The following CIP2A variants were observed in gnomAD, a reference collection of about 807,000 sequenced individuals.
CIP2A encodes the protein cellular inhibitor of PP2A.
CIP2A carries 103 observed loss-of-function variants against 110.9 expected under a neutral mutation model. The observed-to-expected ratio is 0.93, with a 90% confidence interval of 0.79 to 1.09. The LOEUF (loss-of-function observed/expected upper bound fraction) is 1.09. Among genes scored for constraint, CIP2A ranks in the 50% least tolerant of loss-of-function variants. The probability of loss-of-function intolerance (pLI) is 0.00; values close to 1 mark genes in which losing one functional copy is unlikely to be tolerated. For missense variants in CIP2A, 1,088 were observed against 1,038.4 expected, an observed-to-expected ratio of 1.05 and a Z score of -0.66; for synonymous variants, 381 against 361.6, an observed-to-expected ratio of 1.05 and a Z score of -0.61.
Position 108,566,504 on chromosome 3 carries a change from C to T in CIP2A, c.1408G>A (p.Glu470Lys). 1 of 1,606,458 alleles carries T rather than the reference C, an allele frequency of 6.2e-7. No individual in the cohort carries two copies. Among genetic ancestry groups the T allele is most frequent in the Non-Finnish European group, 8.5e-7 (1 of 1,176,470 alleles). Residue 470 changes from glutamate (E) to lysine (K), a missense_variant, in exon 11 of 21, where the codon GAA becomes AAA. Transcript: ENST00000295746. The part of the protein sequence containing the change: ...LGFGTKVADS[E>K]LCKLAADVIL... ...TAGAGTTTATATACTCACCATAATTCAGAATCTGCAACCTTTGTTCCAAAT... is the reference window on the plus strand; with the variant it reads ...TAGAGTTTATATACTCACCATAATTTAGAATCTGCAACCTTTGTTCCAAAT...
Position 108,570,994 on chromosome 3 carries a change from CTTTTT to C in CIP2A, c.895-1392_895-1388del, listed in dbSNP as rs558752229. Among the ~76,000 whole-genome samples the C allele has an allele frequency of 1.2e-4, 18 of 152,066 alleles. No individual in the cohort carries two copies. The East Asian group carries it at 3.5e-3, about 29-fold the overall frequency. ...AAAATGTAGGCTTTTTCTTTTTAAA[CTTTTT>C]TTGTTAAAAACAAAGACACAAACAC... On this transcript the variant is annotated intron_variant, in intron 8 of 20. Coordinates refer to ENST00000295746, the MANE Select transcript of CIP2A (RefSeq NM_020890.3).
intron 4 of CIP2A, 119 bp from the exon 5 acceptor site, chr3:108,581,630 G>T: frequency 1.7e-6 from 1 of 590,858 alleles, no homozygotes; most frequent in Non-Finnish European, 2.9e-6. Flanking sequence ...CCTTTTACAC[G>T]CAAAAAAAAA....
chr3:108,589,242 C>A (rs755984007), intron 1 of CIP2A, 32 bp downstream of exon 1: 3 of 1,507,406 alleles, frequency 2.0e-6, no homozygotes, highest in Admixed American at 1.7e-5. Context: ...CTAGGGGAAG[C>A]CCCATCTGTC....
chr3:108,582,219 A>C lies in CIP2A; in HGVS notation c.358-17T>G. 9.5e-7 allele frequency: 1 copy of C among 1,048,080 alleles called. No individual in the cohort carries two copies. The highest frequency in any genetic ancestry group is 1.4e-6 in the Non-Finnish European group (1 of 701,958). The allele number at this position is 1,048,080 out of a possible 1,614,324, so 64.9% of individuals were successfully genotyped here. A position where few individuals can be genotyped will look rare whatever the true frequency, so the allele number is the denominator to read the frequency against. On this transcript the variant is annotated splice_polypyrimidine_tract_variant and intron_variant, in intron 3 of 20. Transcript: ENST00000295746. ...TTGAATGCACTGAGAATAAGAAAAT[A>C]GTTATAAATATAAAGATATAAAAAC...
chr3:108,565,498 C>A, intron 11 of CIP2A, 44 bp from the exon 12 acceptor site: 1 of 1,069,942 alleles, frequency 9.3e-7, no homozygotes, highest in Non-Finnish European at 1.4e-6. Context: ...TGAAAAATTT[C>A]TTAGAGCTTG....
intron 1 of CIP2A, 152 bp downstream of exon 1, chr3:108,589,122 C>CA: frequency 1.8e-6 from 1 of 549,808 alleles, no homozygotes; most frequent in Non-Finnish European, 3.2e-6. Context: ...GGAACCCCGA[C>CA]ACTCACTAGC....
intron 2 of CIP2A, chr3:108,584,838 C>A (rs535729627): frequency 8.2e-6 from 3 of 367,776 alleles, no homozygotes; most frequent in African/African-American, 2.1e-5. Context: ...AAAGCAACAT[C>A]AGTACTTTTA....
intron 1 of CIP2A, among the ~76,000 whole-genome samples, chr3:108,586,732 A>C (rs1307179943): frequency 6.6e-6 from 1 of 152,162 alleles, no homozygotes; most frequent in Admixed American, 6.5e-5. Flanking sequence ...ACTGGAATTC[A>C]TATCTAGGCA....
intron 13 of CIP2A, 32 bp downstream of exon 13, chr3:108,563,094 C>T: frequency 1.4e-6 from 2 of 1,393,220 alleles, no homozygotes. Flanking sequence ...TCCAACACCA[C>T]AAGAGATACA....
chr3:108,553,121 GTTTTTTTTTTTTTTTTTT>G (rs768832281), intron 19 of CIP2A, among the ~76,000 whole-genome samples: 1 of 67,156 alleles, frequency 1.5e-5, no homozygotes, highest in Non-Finnish European at 2.7e-5. Flanking sequence ...CTTTCCTTTT[GTTTTTTTTTTTTTTTTTT>G]TTTTTTTTGA....
intron 7 of CIP2A, 61 bp downstream of exon 7, chr3:108,579,220 T>A: frequency 2.4e-6 from 3 of 1,252,030 alleles, no homozygotes. Context: ...ATTCTGTTTA[T>A]AACCAACACA....
At chr3:108,583,328 T>G (rs1453685487) in intron 2 of CIP2A, among the ~76,000 whole-genome samples, 1 of 152,194 alleles carries the variant, frequency 6.6e-6, no homozygotes, top group Non-Finnish European at 1.5e-5. Flanking sequence ...TACTAATTAT[T>G]TTAGTATCAA....
intron 17 of CIP2A, among the ~76,000 whole-genome samples, chr3:108,556,292 A>C (rs1486895124): frequency 6.6e-6 from 1 of 152,190 alleles, no homozygotes; most frequent in East Asian, 1.9e-4. Flanking sequence ...ACAATCTTAA[A>C]ATATAAAGCA....
intron 14 of CIP2A, 121 bp from the exon 15 acceptor site, chr3:108,560,149 A>C (rs1456789536): frequency 1.6e-6 from 1 of 623,672 alleles, no homozygotes; most frequent in Non-Finnish European, 2.8e-6. Context: ...AAATAAAAAC[A>C]AATGCTACAT....
At chr3:108,582,560 A>G (rs1374167578) in intron 3 of CIP2A, among the ~76,000 whole-genome samples, 1 of 152,226 alleles carries the variant, frequency 6.6e-6, no homozygotes, top group Non-Finnish European at 1.5e-5. Context: ...AATTGATGAC[A>G]TTTTAGAGTC....
chr3:108,557,624 C>T (rs1440225443), intron 16 of CIP2A, among the ~76,000 whole-genome samples: 1 of 151,962 alleles, frequency 6.6e-6, no homozygotes, highest in African/African-American at 2.4e-5. Flanking sequence ...CTGATAAAAA[C>T]AATCTCACTA....
rs1233764190 is a variant in CIP2A at position 108,560,797 on chromosome 3, T to A, written c.1679A>T (p.Glu560Val). The part of the protein sequence containing the change: ...IAANNAYRQQ[E>V]TEHIPRKMPW... ...CATTTTTCTGGGTATATGTTCTGTTTCCTGTTGTCTATAGGCATTGTTTGC... is the reference window on the plus strand; with the variant it reads ...CATTTTTCTGGGTATATGTTCTGTTACCTGTTGTCTATAGGCATTGTTTGC... The change falls in exon 14 of 21, where the codon GAA becomes GTA. Residue 560 changes from glutamate (E) to valine (V), a missense_variant. Transcript: ENST00000295746. The A allele has an allele frequency of 1.2e-6, 2 of 1,612,418 alleles. No individual in the cohort carries two copies.
At chr3:108,567,337 C>T (rs1289497746) in intron 10 of CIP2A, among the ~76,000 whole-genome samples, 2 of 151,480 alleles carry the variant, frequency 1.3e-5, no homozygotes, top group East Asian at 1.9e-4. Context: ...AGGAGCAGTA[C>T]CTTAGAAGAG....
At chr3:108,585,345 G>A in intron 1 of CIP2A, 133 bp from the exon 2 acceptor site, 1 of 755,646 alleles carries the variant, frequency 1.3e-6, no homozygotes, top group South Asian at 2.1e-5. Context: ...CACATGCTGT[G>A]AAAAATTCAC....
Sources: allele counts gnomAD v4.1 joint callset (sites outside exome capture counted in the v4.1 genomes callset), GRCh38; gene constraint gnomAD v4.1.1; transcripts MANE v1.5; gene names NCBI Gene and HGNC (gene_info 2026-07-23, HGNC 2026-07-21).